Variants in TTC7B observed in about 807,000 individuals in gnomAD.
TTC7B encodes tetratricopeptide repeat protein 7B.
TTC7B carries 28 observed loss-of-function variants against 106.8 expected under a neutral mutation model. The ratio of observed to expected loss-of-function variants is 0.26; its 90% CI spans 0.19 to 0.36. The LOEUF (loss-of-function observed/expected upper bound fraction) is 0.36. Ranked by LOEUF, TTC7B falls within the 10% of genes least tolerant of loss-of-function variation. The pLI is 1.00. For missense variants in TTC7B, 862 were observed against 1,076.4 expected (o/e 0.80, Z 2.79); for synonymous variants, 405 against 430.6 (o/e 0.94, Z 0.74).
rs895613270 is a variant in TTC7B, at chr14:90,735,704, A to AT, written c.577-5509dup. ...CGAAACCTCATCACTTTTTTTAAATATTTTTTTTTTTTAAAAAACCTACTA... is the reference window on the plus strand; with the variant it reads ...CGAAACCTCATCACTTTTTTTAAATATTTTTTTTTTTTTAAAAAACCTACTA... On this transcript the variant is annotated intron_variant, in intron 4 of 19. Coordinates refer to ENST00000328459, the MANE Select transcript of TTC7B (RefSeq NM_001010854.2). 7.8e-4 allele frequency among the ~76,000 whole-genome samples: 115 copies of AT among 147,554 alleles called. 1 individual carries two copies. The highest frequency in any genetic ancestry group is 1.9e-3 in the South Asian group (9 of 4,698).
chr14:90,657,158 G>A lies in TTC7B; in HGVS notation c.1341+16C>T. On this transcript the variant is annotated intron_variant, in intron 11 of 19. Coordinates refer to ENST00000328459, the MANE Select transcript of TTC7B (RefSeq NM_001010854.2). The surrounding 1 kb of genome is among the most constrained non-coding windows in gnomAD (Gnocchi z 4.2). Reference sequence around the variant, plus strand: ...GAGTCCTCTGCAGGAGCGGGGAGGGGGGCGCCCCTACTCACCCAGTGCAGG... The same window carrying A: ...GAGTCCTCTGCAGGAGCGGGGAGGGAGGCGCCCCTACTCACCCAGTGCAGG... 6.2e-7 allele frequency: 1 copy of A among 1,609,594 alleles called. No homozygotes were observed. The highest frequency in any genetic ancestry group is 1.3e-5 in the African/African-American group (1 of 74,946).
Position 90,541,141 on chromosome 14 carries a change from A to C in TTC7B, c.*227T>G, listed in dbSNP as rs184703968. On this transcript the variant is annotated 3_prime_UTR_variant, in exon 20 of 20. Transcript: ENST00000328459. Reference sequence around the variant, plus strand: ...TATGGCACATGATCCATTTTGAACAATGTCAATAGGTTCAGAAACTACCAT... The same window carrying C: ...TATGGCACATGATCCATTTTGAACACTGTCAATAGGTTCAGAAACTACCAT... 1,152 of 443,832 alleles carry C rather than the reference A, an allele frequency of 2.6e-3. 3 individuals are homozygous for C. Among genetic ancestry groups the C allele is most frequent in the Non-Finnish European group, 3.4e-3 (847 of 249,838 alleles). The allele number at this position is 443,832 out of a possible 1,614,324, so 27.5% of individuals were successfully genotyped here.
chr14:90,796,228 G>A (rs1202778454), intron 1 of TTC7B, among the ~76,000 whole-genome samples: 4 of 152,168 alleles, frequency 2.6e-5, no homozygotes, highest in Admixed American at 2.0e-4. Context: ...AGGGGACAGG[G>A]GTAAAGAGGG....
At chr14:90,554,101 T>C (rs907878406) in intron 19 of TTC7B, among the ~76,000 whole-genome samples, 2 of 152,218 alleles carry the variant, frequency 1.3e-5, no homozygotes, top group Admixed American at 6.5e-5. Flanking sequence ...CTAATTTCTT[T>C]GAAACTGGGT....
Position 90,532,298 on chromosome 14 carries a change from C to A in TTC7B, c.*9070G>T, listed in dbSNP as rs1253149083. 6.6e-6 allele frequency: 1 copy of A among 152,236 alleles called. No homozygotes were observed. Among genetic ancestry groups the A allele is most frequent in the Non-Finnish European group, 1.5e-5 (1 of 68,052 alleles). 9.4% of individuals were successfully genotyped at this position (152,236 alleles called of 1,614,324 possible). On this transcript the variant is annotated 3_prime_UTR_variant, in exon 20 of 20. Transcript: ENST00000328459. The stretch of plus-strand genomic sequence containing the variant: ...GGACAACATATTAAAGAAAGAAACT[C>A]TGGAGATAATTTAAAGTTGATCCCC...
In TTC7B at chr14:90,805,429, A is replaced by C. The variant is rs921977420; in HGVS notation, c.121+10746T>G. Among the ~76,000 whole-genome samples, 13 of 152,058 alleles carry C rather than the reference A, an allele frequency of 8.5e-5. No individual in the cohort carries two copies. Among genetic ancestry groups the C allele is most frequent in the African/African-American group, 3.1e-4 (13 of 41,404 alleles). On this transcript the variant is annotated intron_variant, in intron 1 of 19. Coordinates refer to ENST00000328459, the MANE Select transcript of TTC7B (RefSeq NM_001010854.2). This position sits in a 1 kb window ranked among gnomAD's most constrained non-coding sequence, Gnocchi z 4.0. Reference sequence around the variant, plus strand: ...CAGGCGTGTACCACAATGCCCGGCTAATTTTTTTGTACTTTTAGTAGAGAC... The same window carrying C: ...CAGGCGTGTACCACAATGCCCGGCTCATTTTTTTGTACTTTTAGTAGAGAC...
intron 15 of TTC7B, among the ~76,000 whole-genome samples, chr14:90,630,438 T>C (rs1033041410): frequency 6.6e-6 from 1 of 152,050 alleles, no homozygotes; most frequent in Non-Finnish European, 1.5e-5. Flanking sequence ...CAGCCACACA[T>C]GTTAACAAAG....
intron 19 of TTC7B, among the ~76,000 whole-genome samples, chr14:90,565,547 A>G (rs574875675): frequency 4.3e-4 from 66 of 151,974 alleles, no homozygotes; most frequent in Middle Eastern, 6.8e-3. Context: ...GATTACAGGC[A>G]TGCGCCACCA....
chr14:90,665,526 G>C (rs1320330341), intron 9 of TTC7B, among the ~76,000 whole-genome samples: 1 of 152,162 alleles, frequency 6.6e-6, no homozygotes. Context: ...ACACAAACTG[G>C]GTGCGCGGCA....
At chr14:90,751,028 G>A (rs915321335) in intron 3 of TTC7B, among the ~76,000 whole-genome samples, 5 of 152,196 alleles carry the variant, frequency 3.3e-5, no homozygotes, top group African/African-American at 4.8e-5. Flanking sequence ...GTCAGATGAT[G>A]TACTGTCAAT....
Position 90,533,602 on chromosome 14 carries a change from G to A in TTC7B, c.*7766C>T, listed in dbSNP as rs1340731614. On this transcript the variant is annotated 3_prime_UTR_variant, in exon 20 of 20. Transcript: ENST00000328459. ...TACTCCCCGACCATAGAGATGAGGA[G>A]ACAGAGTGCTTCCCCATCAGAGGTG... 2.6e-5 allele frequency: 4 copies of A among 152,418 alleles called. No individual in the cohort carries two copies. Among genetic ancestry groups the A allele is most frequent in the African/African-American group, 9.6e-5 (4 of 41,484 alleles). The allele number at this position is 152,418 out of a possible 1,614,324, so 9.4% of individuals were successfully genotyped here.
Position 90,560,965 on chromosome 14 carries a change from A to G in TTC7B, c.2310+17141T>C, listed in dbSNP as rs570283081. Among the ~76,000 whole-genome samples, 7 of 152,314 alleles carry G rather than the reference A, an allele frequency of 4.6e-5. No individual in the cohort carries two copies. In the South Asian group the frequency reaches 1.2e-3, roughly 27 times the overall value. ...TAGAGAGCCAATTATAACTCAATTG[A>G]CCTGCCTTGCTTTGAAAGGCCTGGA... On this transcript the variant is annotated intron_variant, in intron 19 of 19. Transcript: ENST00000328459.
rs1352632340 is a variant in TTC7B at position 90,530,288 on chromosome 14, C to T, written c.*11080G>A. On this transcript the variant is annotated 3_prime_UTR_variant, in exon 20 of 20. Coordinates refer to ENST00000328459, the MANE Select transcript of TTC7B (RefSeq NM_001010854.2). Reference sequence around the variant, plus strand: ...ATCCCAAAAAACAAAAAAATCTATACTCATGGGAGAATGCTGCAAGACAAC... The same window carrying T: ...ATCCCAAAAAACAAAAAAATCTATATTCATGGGAGAATGCTGCAAGACAAC... The T allele has an allele frequency of 6.6e-6, 1 of 152,118 alleles. No homozygotes were observed. The highest frequency in any genetic ancestry group is 2.4e-5 in the African/African-American group (1 of 41,440). 9.4% of individuals were successfully genotyped at this position (152,118 alleles called of 1,614,324 possible).
intron 15 of TTC7B, among the ~76,000 whole-genome samples, chr14:90,636,629 T>G (rs1211563456): frequency 2.6e-5 from 4 of 152,078 alleles, no homozygotes; most frequent in Non-Finnish European, 5.9e-5. Flanking sequence ...ACATGGAATA[T>G]TTACAAGAAG....
intron 18 of TTC7B, among the ~76,000 whole-genome samples, chr14:90,581,537 C>G (rs1290429188): frequency 6.6e-6 from 1 of 152,166 alleles, no homozygotes; most frequent in Admixed American, 6.5e-5. Flanking sequence ...GGGAGCAGGA[C>G]AGAGCGTCCC....
chr14:90,665,535 C>A (rs1170208629), intron 9 of TTC7B, among the ~76,000 whole-genome samples: 1 of 152,190 alleles, frequency 6.6e-6, no homozygotes, highest in African/African-American at 2.4e-5. Flanking sequence ...GGGTGCGCGG[C>A]AGCGACAGCT....
At chr14:90,755,496 A>T (rs1020545023) in intron 3 of TTC7B, among the ~76,000 whole-genome samples, 1 of 152,040 alleles carries the variant, frequency 6.6e-6, no homozygotes, top group African/African-American at 2.4e-5. Flanking sequence ...AGAAATAATA[A>T]TTTTTTGTTT....
intron 16 of TTC7B, among the ~76,000 whole-genome samples, chr14:90,614,017 C>T (rs1012801578): frequency 5.9e-5 from 9 of 152,188 alleles, no homozygotes; most frequent in Admixed American, 2.6e-4. Flanking sequence ...GGAGTCAGAA[C>T]CCTGGAGCTC....
intron 18 of TTC7B, among the ~76,000 whole-genome samples, chr14:90,583,183 A>G (rs941859522): frequency 6.6e-6 from 1 of 152,214 alleles, no homozygotes; most frequent in African/African-American, 2.4e-5. Context: ...AGAAAAGAAT[A>G]TCATTTATAC....
Sources: allele counts gnomAD v4.1 joint callset (sites outside exome capture counted in the v4.1 genomes callset), GRCh38; gene constraint gnomAD v4.1.1; non-coding constraint Gnocchi (gnomAD v3.1); transcripts MANE v1.5; gene names NCBI Gene and HGNC (gene_info 2026-07-23, HGNC 2026-07-21).